The following EIF4G3 variants were observed in gnomAD, a reference collection of about 807,000 sequenced individuals.
The protein encoded by EIF4G3 is eukaryotic translation initiation factor 4 gamma 3.
Under a neutral mutation model 186.4 loss-of-function variants are expected in EIF4G3, and 34 were observed. The ratio of observed to expected loss-of-function variants is 0.18; its 90% CI spans 0.14 to 0.24. The LOEUF is 0.24. Ranked by LOEUF, EIF4G3 falls within the 10% of genes least tolerant of loss-of-function variation. EIF4G3 has a pLI of 1.00. For synonymous variants in EIF4G3, 673 were observed against 679.5 expected (o/e 0.99, Z 0.15); for missense variants, 1,536 against 1,948.5 (o/e 0.79, Z 3.99).
At chr1:21,102,990 T>C (rs975666633) in intron 2 of EIF4G3, among the ~76,000 whole-genome samples, 2 of 152,194 alleles carry the variant, frequency 1.3e-5, no homozygotes, top group Admixed American at 6.5e-5. Flanking sequence ...CCAACTATAT[T>C]ATGCTTTAAT....
intron 4 of EIF4G3, among the ~76,000 whole-genome samples, chr1:21,032,649 T>G (rs868676070): frequency 2.6e-5 from 4 of 152,202 alleles, no homozygotes; most frequent in Non-Finnish European, 5.9e-5. Context: ...TCAGGTTATG[T>G]TCTTCAAATG....
At chr1:20,813,958 T>A (rs903441959) in intron 34 of EIF4G3, among the ~76,000 whole-genome samples, 1 of 138,436 alleles carries the variant, frequency 7.2e-6, no homozygotes, top group African/African-American at 2.7e-5. Flanking sequence ...TTTTTTTTTT[T>A]TTTTTTTTTT....
intron 4 of EIF4G3, among the ~76,000 whole-genome samples, chr1:21,011,692 C>G (rs2087162772): frequency 6.6e-6 from 1 of 152,170 alleles, no homozygotes; most frequent in South Asian, 2.1e-4. Context: ...TGCCTCACTC[C>G]TCTCCCTTGA....
chr1:20,824,248 C>T lies in EIF4G3; in HGVS notation c.4368+852G>A, dbSNP rs117206313. On this transcript the variant is annotated intron_variant, in intron 33 of 36. Transcript: ENST00000602326. Reference sequence around the variant, plus strand: ...TTCTTATTGCTGTGGCAAGAATGCTCTTCAGTGTTCCAGACTACAACCAAA... The same window carrying T: ...TTCTTATTGCTGTGGCAAGAATGCTTTTCAGTGTTCCAGACTACAACCAAA... 1.6e-3 allele frequency among the ~76,000 whole-genome samples: 242 copies of T among 152,332 alleles called. 5 individuals carry two copies. In the East Asian group the frequency reaches 0.024, roughly 15 times the overall value.
intron 23 of EIF4G3, 146 bp downstream of exon 23, chr1:20,862,082 C>T (rs2154551978): frequency 1.9e-6 from 1 of 518,946 alleles, no homozygotes; most frequent in Non-Finnish European, 3.4e-6. Flanking sequence ...CAGAACTCTC[C>T]CACGGAAAGT....
chr1:20,852,191 A>G (rs976833176), intron 27 of EIF4G3, among the ~76,000 whole-genome samples: 1 of 152,078 alleles, frequency 6.6e-6, no homozygotes, highest in Admixed American at 6.5e-5. Context: ...GATTACAGAC[A>G]GGGTTTCTCC....
chr1:21,101,612 AGG>A (rs1209528743), intron 2 of EIF4G3, among the ~76,000 whole-genome samples: 3 of 118,194 alleles, frequency 2.5e-5, no homozygotes, highest in Non-Finnish European at 3.4e-5. Flanking sequence ...GGAGTAAGGA[AGG>A]AACAAAGAAA....
Position 21,089,239 on chromosome 1 carries a change from G to T in EIF4G3, c.-271-26C>A, listed in dbSNP as rs568530162. 4.6e-5 allele frequency: 33 copies of T among 711,044 alleles called. 1 individual carries two copies. In the African/African-American group the frequency reaches 4.7e-4, roughly 10 times the overall value. The allele number at this position is 711,044 out of a possible 1,614,324, so 44.0% of individuals were successfully genotyped here. ...CTAGAAGAGCGAGTTAAGGATAAGA[G>T]AATTCAAAAATGGATGCTTAATAGT... On this transcript the variant is annotated intron_variant, in intron 2 of 36. Coordinates refer to ENST00000602326, the MANE Select transcript of EIF4G3 (RefSeq NM_001391906.1).
At chr1:20,927,329 T>C (rs1469147337) in intron 14 of EIF4G3, among the ~76,000 whole-genome samples, 1 of 152,166 alleles carries the variant, frequency 6.6e-6, no homozygotes, top group Non-Finnish European at 1.5e-5. Context: ...AAAAATAATA[T>C]TAAGCAAAGC....
chr1:21,148,595 G>C (rs1391029392), intron 2 of EIF4G3, among the ~76,000 whole-genome samples: 1 of 151,360 alleles, frequency 6.6e-6, no homozygotes, highest in African/African-American at 2.4e-5. Flanking sequence ...CCAGCTACTC[G>C]AGAGGCTAAG....
chr1:21,057,249 T>C (rs2094601235), intron 3 of EIF4G3, among the ~76,000 whole-genome samples: 1 of 152,126 alleles, frequency 6.6e-6, no homozygotes, highest in Admixed American at 6.6e-5. Context: ...AACCAAAAAT[T>C]GGAAACAACC....
intron 4 of EIF4G3, among the ~76,000 whole-genome samples, chr1:21,029,747 A>C (rs547079203): frequency 6.6e-6 from 1 of 152,332 alleles, no homozygotes; most frequent in East Asian, 1.9e-4. Context: ...TGAGAAAAGA[A>C]ATGGATTAAA....
intron 3 of EIF4G3, among the ~76,000 whole-genome samples, chr1:21,055,444 T>C (rs1000745740): frequency 6.6e-6 from 1 of 152,104 alleles, no homozygotes; most frequent in Non-Finnish European, 1.5e-5. Flanking sequence ...ATAAAAAATA[T>C]TAAAATACAT....
intron 3 of EIF4G3, among the ~76,000 whole-genome samples, chr1:21,053,523 C>T (rs1415703532): frequency 2.7e-5 from 4 of 145,924 alleles, no homozygotes; most frequent in Admixed American, 6.7e-5. Flanking sequence ...CCCGGCCAGC[C>T]GCCCCGTCCG....
intron 7 of EIF4G3, among the ~76,000 whole-genome samples, chr1:20,991,121 T>C (rs942149632): frequency 6.6e-6 from 1 of 152,220 alleles, no homozygotes; most frequent in East Asian, 1.9e-4. Flanking sequence ...TAATTTATAA[T>C]GGAGATTATT....
chr1:21,037,236 GAAA>G (rs111345588), intron 4 of EIF4G3, among the ~76,000 whole-genome samples: 3 of 107,780 alleles, frequency 2.8e-5, no homozygotes, highest in African/African-American at 7.9e-5. Context: ...TCAGAAAAAG[GAAA>G]AAAAAAAAAA....
At chr1:21,005,629 G>A (rs374674733) in intron 4 of EIF4G3, among the ~76,000 whole-genome samples, 2 of 152,206 alleles carry the variant, frequency 1.3e-5, no homozygotes, top group East Asian at 3.9e-4. Flanking sequence ...AGCCAAATAA[G>A]GGAACATAGA....
intron 3 of EIF4G3, among the ~76,000 whole-genome samples, chr1:21,056,982 A>T (rs1241904244): frequency 6.6e-6 from 1 of 152,224 alleles, no homozygotes; most frequent in Non-Finnish European, 1.5e-5. Flanking sequence ...TGCCCGAGAA[A>T]CATTTTTGCT....
At chr1:21,140,441 A>C (rs1274604295) in intron 2 of EIF4G3, among the ~76,000 whole-genome samples, 7 of 152,044 alleles carry the variant, frequency 4.6e-5, no homozygotes, top group Non-Finnish European at 1.0e-4. Context: ...AGCCCCCTAA[A>C]TAGCTGGGAC....
Sources: gnomAD v4.1 joint callset for allele counts (sites outside exome capture counted in the v4.1 genomes callset) on GRCh38, gnomAD v4.1.1 for gene constraint, MANE v1.5 for transcripts, NCBI Gene and HGNC (gene_info 2026-07-23, HGNC 2026-07-21) for gene names.